Variants in RGL1 observed in about 807,000 individuals in gnomAD.
The protein encoded by RGL1 is ral guanine nucleotide dissociation stimulator-like 1.
RGL1 carries 24 observed loss-of-function variants against 95.2 expected under a neutral mutation model. The ratio of observed to expected loss-of-function variants is 0.25; its 90% confidence interval spans 0.18 to 0.35. RGL1 has a LOEUF of 0.35. RGL1 is among the 10% of genes least tolerant of loss of function. The pLI is 1.00. For missense variants in RGL1, 715 were observed against 936.3 expected, an observed-to-expected ratio of 0.76 and a Z score of 3.08; for synonymous variants, 329 against 344.9, an observed-to-expected ratio of 0.95 and a Z score of 0.51.
At chr1:183,739,912 G>T (rs771404646) in intron 1 of RGL1, among the ~76,000 whole-genome samples, 3 of 152,212 alleles carry the variant, frequency 2.0e-5, no homozygotes, top group Admixed American at 6.5e-5. Context: ...AGTAGAGTAA[G>T]CTGTGGGGTC....
intron 2 of RGL1, among the ~76,000 whole-genome samples, chr1:183,840,731 T>C (rs965718114): frequency 6.6e-6 from 1 of 150,862 alleles, no homozygotes; most frequent in African/African-American, 2.4e-5. Context: ...AAATAATAAA[T>C]AAATAAATAA....
At chr1:183,893,725 A>T (rs1572565699) in intron 9 of RGL1, among the ~76,000 whole-genome samples, 1 of 152,292 alleles carries the variant, frequency 6.6e-6, no homozygotes, top group Admixed American at 6.5e-5. Flanking sequence ...TCTGTGCTCC[A>T]GGAGAAGCTG....
intron 2 of RGL1, among the ~76,000 whole-genome samples, chr1:183,778,294 T>C (rs1442103132): frequency 5.9e-5 from 9 of 152,090 alleles, no homozygotes; most frequent in African/African-American, 1.7e-4. Context: ...TTTAGAATTA[T>C]ACAGTAAAGA....
At chr1:183,773,343 C>T (rs1659403008) in intron 2 of RGL1, among the ~76,000 whole-genome samples, 1 of 152,160 alleles carries the variant, frequency 6.6e-6, no homozygotes, top group Non-Finnish European at 1.5e-5. Context: ...GGAACTGCAC[C>T]TATCCTGTTC....
intron 8 of RGL1, among the ~76,000 whole-genome samples, chr1:183,890,684 T>C (rs980018977): frequency 6.6e-6 from 1 of 152,256 alleles, no homozygotes; most frequent in South Asian, 2.1e-4. Context: ...CTTGAAAACA[T>C]GCTAAATTTA....
chr1:183,672,139 G>A (rs1230297466), intron 1 of RGL1, among the ~76,000 whole-genome samples: 1 of 151,936 alleles, frequency 6.6e-6, no homozygotes, highest in Non-Finnish European at 1.5e-5. Context: ...CGCCATGTTG[G>A]CCAGGCTGGT....
intron 2 of RGL1, among the ~76,000 whole-genome samples, chr1:183,828,676 A>T (rs1024750470): frequency 1.3e-5 from 2 of 152,230 alleles, no homozygotes; most frequent in Admixed American, 1.3e-4. Flanking sequence ...GAGATTGTGT[A>T]TTTAAAAGGG....
intron 2 of RGL1, among the ~76,000 whole-genome samples, chr1:183,752,392 A>G (rs1450065717): frequency 1.3e-5 from 2 of 151,974 alleles, no homozygotes; most frequent in Non-Finnish European, 2.9e-5. Flanking sequence ...ACGCCCAGCT[A>G]ATTTTTGTAT....
At chr1:183,717,645 A>T (rs555936510) in intron 1 of RGL1, among the ~76,000 whole-genome samples, 1 of 152,358 alleles carries the variant, frequency 6.6e-6, no homozygotes, top group South Asian at 2.1e-4. Context: ...AAACAGAAAT[A>T]CAATTTCAAG....
At chr1:183,700,121 T>G (rs934739497) in intron 1 of RGL1, among the ~76,000 whole-genome samples, 2 of 152,166 alleles carry the variant, frequency 1.3e-5, no homozygotes, top group African/African-American at 2.4e-5. Flanking sequence ...ACTCCTACCC[T>G]CAACCTGCTC....
At chr1:183,675,834 G>T (rs1652793148) in intron 1 of RGL1, among the ~76,000 whole-genome samples, 1 of 152,104 alleles carries the variant, frequency 6.6e-6, no homozygotes, top group Non-Finnish European at 1.5e-5. Flanking sequence ...ATTTTAATTG[G>T]TTATGACCAT....
intron 17 of RGL1, among the ~76,000 whole-genome samples, chr1:183,923,135 C>G (rs1048110245): frequency 2.0e-5 from 3 of 152,168 alleles, no homozygotes; most frequent in Non-Finnish European, 1.5e-5. Context: ...CGAAGCCAAC[C>G]CTTTCTGCCG....
chr1:183,847,922 AAAG>A (rs1351933144), intron 3 of RGL1, 148 bp downstream of exon 3: 15 of 630,342 alleles, frequency 2.4e-5, no homozygotes, highest in South Asian at 1.6e-4. Flanking sequence ...GCACAAATGA[AAAG>A]AAGATCATTC....
At chr1:183,812,669 C>T (rs547342551) in intron 2 of RGL1, among the ~76,000 whole-genome samples, 1 of 152,246 alleles carries the variant, frequency 6.6e-6, no homozygotes, top group East Asian at 1.9e-4. Flanking sequence ...AAATCAAATG[C>T]GAGTGACAGG....
intron 2 of RGL1, among the ~76,000 whole-genome samples, chr1:183,763,294 G>C (rs886982319): frequency 6.6e-6 from 1 of 152,060 alleles, no homozygotes; most frequent in Non-Finnish European, 1.5e-5. Context: ...TGTAGATGAC[G>C]GGTTGATGGG....
At chr1:183,640,141 G>A (rs1042671860) in intron 1 of RGL1, among the ~76,000 whole-genome samples, 9 of 151,982 alleles carry the variant, frequency 5.9e-5, no homozygotes, top group African/African-American at 2.2e-4. Flanking sequence ...CTGGCCAAAG[G>A]GAAACTTTTA....
At chr1:183,794,295 AGG>A (rs1275571523) in intron 2 of RGL1, among the ~76,000 whole-genome samples, 3 of 152,160 alleles carry the variant, frequency 2.0e-5, no homozygotes, top group Non-Finnish European at 4.4e-5. Flanking sequence ...AAAGGTGGAG[AGG>A]GGGATGAAGA....
chr1:183,827,296 T>C (rs944546352), intron 2 of RGL1, among the ~76,000 whole-genome samples: 2 of 122,798 alleles, frequency 1.6e-5, no homozygotes, highest in Admixed American at 1.8e-4. Flanking sequence ...GCAGGTCCAC[T>C]GGAAATGTTA....
intron 1 of RGL1, chr1:183,653,154 A>G (rs1296706118): frequency 3.9e-5 from 6 of 152,144 alleles, no homozygotes; most frequent in African/African-American, 1.4e-4. Context: ...TTTAAGTCCC[A>G]TGCCCTGTTT....
Sources: allele counts gnomAD v4.1 joint callset (sites outside exome capture counted in the v4.1 genomes callset), GRCh38; gene constraint gnomAD v4.1.1; transcripts MANE v1.5; gene names NCBI Gene and HGNC (gene_info 2026-07-23, HGNC 2026-07-21).